Variants in TTC7B observed in about 807,000 individuals in gnomAD.
TTC7B encodes tetratricopeptide repeat domain 7B.
In TTC7B, 28 loss-of-function variants were observed where a neutral mutation model predicts 106.8. That is an observed-to-expected ratio of 0.26 (90% CI 0.19 to 0.36). The LOEUF is 0.36. Ranked by LOEUF, TTC7B falls within the 10% of genes least tolerant of loss-of-function variation. The probability of loss-of-function intolerance (pLI) is 1.00; values close to 1 mark genes in which losing one functional copy is unlikely to be tolerated. For synonymous variants in TTC7B, 405 were observed against 430.6 expected, an observed-to-expected ratio of 0.94 and a Z score of 0.74; for missense variants, 862 against 1,076.4, an observed-to-expected ratio of 0.80 and a Z score of 2.79.
At chr14:90,761,189 G>A (rs868378034) in intron 3 of TTC7B, among the ~76,000 whole-genome samples, 36 of 146,794 alleles carry the variant, frequency 2.5e-4, no homozygotes, top group African/African-American at 9.0e-4. Flanking sequence ...GGACCACCAG[G>A]TTAGGAGGAT....
At chr14:90,806,949 T>G (rs2030648325) in intron 1 of TTC7B, among the ~76,000 whole-genome samples, 1 of 152,010 alleles carries the variant, frequency 6.6e-6, no homozygotes, top group Non-Finnish European at 1.5e-5. Flanking sequence ...AGTCACTCAC[T>G]CACTTGAGGC....
chr14:90,707,734 C>T (rs1016314098), intron 5 of TTC7B, among the ~76,000 whole-genome samples: 84 of 152,154 alleles, frequency 5.5e-4, no homozygotes, highest in African/African-American at 2.0e-3. Context: ...TAGAGCAAGG[C>T]CCTAATTCTC....
rs1374199701 is a variant in TTC7B at position 90,541,176 on chromosome 14, A to G, written c.*192T>C. The G allele has an allele frequency of 2.2e-6, 1 of 452,478 alleles. No individual in the cohort carries two copies. Among genetic ancestry groups the G allele is most frequent in the African/African-American group, 2.2e-5 (1 of 46,354 alleles). The allele number at this position is 452,478 out of a possible 1,614,324, so 28.0% of individuals were successfully genotyped here. On this transcript the variant is annotated 3_prime_UTR_variant, in exon 20 of 20. Coordinates refer to ENST00000328459, the MANE Select transcript of TTC7B (RefSeq NM_001010854.2). ...GTTCAGAAACTACCATTGGGCTGGC[A>G]AAAAAAACAAGAGAAACGCACATGG...
intron 5 of TTC7B, among the ~76,000 whole-genome samples, chr14:90,727,572 G>A (rs1357472085): frequency 1.3e-5 from 2 of 152,206 alleles, no homozygotes; most frequent in Non-Finnish European, 2.9e-5. Flanking sequence ...CAGGTTTTCT[G>A]AAAGAGATGC....
intron 13 of TTC7B, 78 bp downstream of exon 13, chr14:90,652,763 A>G (rs748083999): frequency 2.0e-6 from 3 of 1,522,600 alleles, no homozygotes; most frequent in Non-Finnish European, 2.7e-6. Context: ...TAATCTTTAT[A>G]AATATCTCTT....
At chr14:90,633,897 C>T (rs919675669) in intron 15 of TTC7B, among the ~76,000 whole-genome samples, 13 of 150,684 alleles carry the variant, frequency 8.6e-5, no homozygotes, top group African/African-American at 2.2e-4. Context: ...GGAGTGGGGA[C>T]GGAGTCTTGC....
intron 1 of TTC7B, among the ~76,000 whole-genome samples, chr14:90,799,497 G>C (rs2030111543): frequency 6.6e-6 from 1 of 152,222 alleles, no homozygotes; most frequent in Non-Finnish European, 1.5e-5. Context: ...TGGGGCTACT[G>C]TGGACTAGGT....
chr14:90,652,735 G>C (rs1885782207), intron 13 of TTC7B, 106 bp downstream of exon 13: 4 of 1,310,854 alleles, frequency 3.1e-6, no homozygotes, highest in Non-Finnish European at 4.4e-6. Flanking sequence ...GACTCTCAGG[G>C]GTAAAACACT....
At chr14:90,749,524 G>T (rs1345099682) in intron 3 of TTC7B, among the ~76,000 whole-genome samples, 1 of 149,562 alleles carries the variant, frequency 6.7e-6, no homozygotes, top group Non-Finnish European at 1.5e-5. Context: ...TCCTGCTTCA[G>T]CCTCCCGAGT....
At chr14:90,654,580 A>T (rs1885867737) in intron 12 of TTC7B, among the ~76,000 whole-genome samples, 1 of 152,156 alleles carries the variant, frequency 6.6e-6, no homozygotes, top group African/African-American at 2.4e-5. Context: ...TGACCAGTCA[A>T]GGGAAGCTTC....
In TTC7B at chr14:90,730,083, G is replaced by A; in HGVS notation, c.690C>T (p.Phe230=). Residue 230 remains phenylalanine, a synonymous_variant, in exon 5 of 20, where the codon TTC becomes TTT. Coordinates refer to ENST00000328459, the MANE Select transcript of TTC7B (RefSeq NM_001010854.2). ...AAATGAAGATGGCTTACCCATTTTT[G>A]AAATAGAGGACATGGGCTCTCTGAA... ...TGLQRAHVLY[F]KNGNLTRGVG... 1 of 1,598,686 alleles carries A rather than the reference G, an allele frequency of 6.3e-7. No individual in the cohort carries two copies. Among genetic ancestry groups the A allele is most frequent in the Non-Finnish European group, 8.5e-7 (1 of 1,175,794 alleles).
At position 90,525,059 on chromosome 14, in the gene TTC7B, T is replaced by G. The variant is rs1889114828; in HGVS notation, c.*16309A>C. 1.3e-5 allele frequency: 2 copies of G among 152,148 alleles called. No homozygotes were observed. The highest frequency in any genetic ancestry group is 2.4e-5 in the African/African-American group (1 of 41,422). The allele number at this position is 152,148 out of a possible 1,614,324, so 9.4% of individuals were successfully genotyped here. A position where few individuals can be genotyped will look rare whatever the true frequency, so the allele number is the denominator to read the frequency against. On this transcript the variant is annotated 3_prime_UTR_variant, in exon 20 of 20. Transcript: ENST00000328459. ...GGGATCATATCCATCACCCTCAAAA[T>G]GTCTTTATCATCTTTGAAACCCCTC...
chr14:90,721,990 C>T (rs1304520735), intron 5 of TTC7B, among the ~76,000 whole-genome samples: 1 of 152,176 alleles, frequency 6.6e-6, no homozygotes, highest in Non-Finnish European at 1.5e-5. Context: ...CCGGATTTTC[C>T]GAATAGAAAC....
At chr14:90,770,064 T>G (rs1233873119) in intron 3 of TTC7B, among the ~76,000 whole-genome samples, 1 of 152,114 alleles carries the variant, frequency 6.6e-6, no homozygotes, top group Non-Finnish European at 1.5e-5. Flanking sequence ...GCAGGAGATC[T>G]CTTGAGCCCA....
chr14:90,533,375 G>C lies in TTC7B; in HGVS notation c.*7993C>G, dbSNP rs1281332178. 1.3e-5 allele frequency: 2 copies of C among 152,650 alleles called. No homozygotes were observed. Among genetic ancestry groups the C allele is most frequent in the East Asian group, 3.8e-4 (2 of 5,198 alleles). 9.5% of individuals were successfully genotyped at this position (152,650 alleles called of 1,614,324 possible). ...CCCCTCACCTCCTCCTCCATGCAGA[G>C]CGGGACTCGGACTCTGCCTCAGCTG... is the stretch of plus-strand genomic sequence containing the variant. On this transcript the variant is annotated 3_prime_UTR_variant, in exon 20 of 20. Transcript: ENST00000328459.
chr14:90,762,936 G>A (rs866572605), intron 3 of TTC7B, among the ~76,000 whole-genome samples: 2 of 152,088 alleles, frequency 1.3e-5, no homozygotes, highest in Admixed American at 6.5e-5. Context: ...AAAAGCCCAG[G>A]GTCAGATGGC....
intron 19 of TTC7B, among the ~76,000 whole-genome samples, chr14:90,542,752 AG>A (rs1410378727): frequency 6.6e-6 from 1 of 150,912 alleles, no homozygotes; most frequent in Non-Finnish European, 1.5e-5. Flanking sequence ...TGGGGTGGGG[AG>A]GGGAGTCCAG....
intron 17 of TTC7B, chr14:90,605,560 G>T: frequency 8.1e-7 from 1 of 1,234,456 alleles, no homozygotes; most frequent in Non-Finnish European, 1.0e-6. Flanking sequence ...ACACGCAAAT[G>T]AAGTAGGTCT....
At chr14:90,583,357 T>C (rs185335889) in intron 18 of TTC7B, among the ~76,000 whole-genome samples, 13 of 152,322 alleles carry the variant, frequency 8.5e-5, no homozygotes, top group Admixed American at 2.0e-4. Flanking sequence ...TACTGAATGC[T>C]GGGTGTGGGT....
Sources: gnomAD v4.1 joint callset for allele counts (sites outside exome capture counted in the v4.1 genomes callset) on GRCh38, gnomAD v4.1.1 for gene constraint, MANE v1.5 for transcripts, NCBI Gene and HGNC (gene_info 2026-07-23, HGNC 2026-07-21) for gene names.